Variants in SWT1 observed in about 807,000 individuals in gnomAD.
SWT1 encodes SWT1 RNA endoribonuclease homolog, also known as transcriptional protein SWT1.
In SWT1, 33 loss-of-function variants were observed where a neutral mutation model predicts 107.3. The observed-to-expected ratio is 0.31, with a 90% confidence interval of 0.23 to 0.41. The LOEUF (loss-of-function observed/expected upper bound fraction) is 0.41. Ranked by LOEUF, SWT1 falls within the 10% of genes least tolerant of loss-of-function variation. The pLI is 1.00. For synonymous variants in SWT1, 345 were observed against 348.3 expected (o/e 0.99, Z 0.11); for missense variants, 898 against 1,028.9 (o/e 0.87, Z 1.74).
intron 16 of SWT1, among the ~76,000 whole-genome samples, chr1:185,235,571 T>G (rs1422508896): frequency 1.3e-5 from 2 of 152,168 alleles, no homozygotes; most frequent in East Asian, 3.8e-4. Context: ...CTCAAAATAA[T>G]AAGAGCTATT....
chr1:185,236,681 A>T (rs1660902685), intron 16 of SWT1, among the ~76,000 whole-genome samples: 1 of 152,190 alleles, frequency 6.6e-6, no homozygotes, highest in Admixed American at 6.5e-5. Context: ...TGATTAAAAC[A>T]CCCAAAGCAA....
chr1:185,268,712 T>C (rs1426345633), intron 16 of SWT1, among the ~76,000 whole-genome samples: 1 of 152,216 alleles, frequency 6.6e-6, no homozygotes, highest in Non-Finnish European at 1.5e-5. Flanking sequence ...TTAAACTTAC[T>C]AGCCTCATAA....
intron 18 of SWT1, among the ~76,000 whole-genome samples, chr1:185,287,888 G>A (rs1255274345): frequency 6.6e-6 from 1 of 152,148 alleles, no homozygotes; most frequent in African/African-American, 2.4e-5. Flanking sequence ...CGTGAATTAA[G>A]AAACAAATGC....
At chr1:185,201,243 A>T (rs1345301179) in intron 10 of SWT1, among the ~76,000 whole-genome samples, 2 of 151,946 alleles carry the variant, frequency 1.3e-5, no homozygotes, top group African/African-American at 4.8e-5. Flanking sequence ...TTCAGTGCCC[A>T]CTTCCAGGGG....
At chr1:185,175,737 A>G (rs1480486706) in intron 5 of SWT1, among the ~76,000 whole-genome samples, 2 of 152,150 alleles carry the variant, frequency 1.3e-5, no homozygotes, top group Non-Finnish European at 2.9e-5. Flanking sequence ...AAAGCATTGT[A>G]TGCTGGAGAA....
At chr1:185,206,556 A>G in intron 12 of SWT1, 69 bp from the exon 13 acceptor site, 1 of 950,832 alleles carries the variant, frequency 1.1e-6, no homozygotes, top group Non-Finnish European at 1.5e-6. Flanking sequence ...AGGAATTCCT[A>G]AATAGGTACT....
intron 16 of SWT1, among the ~76,000 whole-genome samples, chr1:185,238,062 C>T (rs902112637): frequency 6.6e-6 from 1 of 151,758 alleles, no homozygotes; most frequent in Non-Finnish European, 1.5e-5. Flanking sequence ...TCACGGCTCA[C>T]TGTAGCATCG....
intron 13 of SWT1, among the ~76,000 whole-genome samples, chr1:185,211,975 A>G (rs1051925089): frequency 5.9e-5 from 9 of 151,324 alleles, no homozygotes; most frequent in African/African-American, 1.9e-4. Context: ...CAAACACTAC[A>G]TGTTCTCACT....
Position 185,212,803 on chromosome 1 carries a change from C to CAA in SWT1, c.1973-1690_1973-1689dup, listed in dbSNP as rs71555460. ...GGGCAACAAGAGTGAAACTCTGTCT[C>CAA]AAAAAAAAAAAAAAACTTCTTGCTG... On this transcript the variant is annotated intron_variant, in intron 13 of 18. Coordinates refer to ENST00000367500, the MANE Select transcript of SWT1 (RefSeq NM_017673.7). Among the ~76,000 whole-genome samples the CAA allele has an allele frequency of 8.3e-3, 1,082 of 130,270 alleles. 15 individuals are homozygous for CAA. Among genetic ancestry groups the CAA allele is most frequent in the African/African-American group, 0.025 (934 of 37,350 alleles). 85.5% of individuals were successfully genotyped at this position (130,270 alleles called of 152,430 possible).
Position 185,271,488 on chromosome 1 carries a change from TTTAA to T in SWT1, c.2508+102_2508+105del. On this transcript the variant is annotated intron_variant, in intron 17 of 18. Coordinates refer to ENST00000367500, the MANE Select transcript of SWT1 (RefSeq NM_017673.7). ...AGTTCTCAAACATAGTGGAATGCTA[TTTAA>T]TTGATATTTGCTTTAAATTATTGAA... The T allele has an allele frequency of 7.8e-6, 5 of 640,878 alleles. No individual in the cohort carries two copies. In the Admixed American group the frequency reaches 1.2e-4, roughly 15 times the overall value. 39.7% of individuals were successfully genotyped at this position (640,878 alleles called of 1,614,324 possible).
chr1:185,169,074 CCAAA>C (rs1397488407), intron 4 of SWT1, among the ~76,000 whole-genome samples: 2 of 152,138 alleles, frequency 1.3e-5, no homozygotes, highest in Non-Finnish European at 2.9e-5. Context: ...GCTCTGCTTC[CCAAA>C]CAATCTCAGT....
chr1:185,281,889 G>A (rs1028746832), intron 18 of SWT1: 6 of 152,318 alleles, frequency 3.9e-5, no homozygotes, highest in African/African-American at 1.2e-4. Context: ...GAAGGTTCTT[G>A]CTTGCTTTTA....
At chr1:185,283,550 T>TTTTGTTTG (rs3835511) in intron 18 of SWT1, among the ~76,000 whole-genome samples, 2 of 151,990 alleles carry the variant, frequency 1.3e-5, no homozygotes, top group Non-Finnish European at 2.9e-5. Flanking sequence ...TATGTAAGGT[T>TTTTGTTTG]TTTGTTTGTT....
rs142698405 is a variant in SWT1, at chr1:185,216,687, C to T, written c.2121+2032C>T. Among the ~76,000 whole-genome samples, 889 of 152,218 alleles carry T rather than the reference C, an allele frequency of 5.8e-3. 33 individuals are homozygous for T. In the East Asian group the frequency reaches 0.094, roughly 16 times the overall value. On this transcript the variant is annotated intron_variant, in intron 14 of 18. Transcript: ENST00000367500. ...ATTGACTTGACTGGGCATGGTGGTT[C>T]ATGCCTGTAATCCCAGCACTTTGGG...
At chr1:185,271,532 G>A in intron 17 of SWT1, 143 bp downstream of exon 17, 1 of 562,118 alleles carries the variant, frequency 1.8e-6, no homozygotes, top group Non-Finnish European at 3.2e-6. Context: ...ATAAAAGTTT[G>A]TCAGTGACAT....
At chr1:185,173,059 A>AG (rs1432956031) in intron 4 of SWT1, among the ~76,000 whole-genome samples, 53 of 151,712 alleles carry the variant, frequency 3.5e-4, no homozygotes, top group African/African-American at 1.2e-3. Context: ...AAAAAAAAAA[A>AG]AAGAAGAAAA....
intron 9 of SWT1, among the ~76,000 whole-genome samples, chr1:185,189,560 G>T (rs892261438): frequency 6.6e-6 from 1 of 152,086 alleles, no homozygotes; most frequent in Non-Finnish European, 1.5e-5. Context: ...CTTATAATCT[G>T]TAAGTGACTG....
At chr1:185,215,385 ATAAT>A (rs1344888046) in intron 14 of SWT1, among the ~76,000 whole-genome samples, 9 of 152,190 alleles carry the variant, frequency 5.9e-5, no homozygotes, top group African/African-American at 2.2e-4. Flanking sequence ...TAACTACAAT[ATAAT>A]TAATCATGAA....
chr1:185,246,649 GA>G (rs1184183827), intron 16 of SWT1, among the ~76,000 whole-genome samples: 2 of 94,560 alleles, frequency 2.1e-5, no homozygotes, highest in African/African-American at 8.7e-5. Context: ...TTTTTTAATA[GA>G]GGGGGGTCTC....
Sources: allele counts gnomAD v4.1 joint callset (sites outside exome capture counted in the v4.1 genomes callset), GRCh38; gene constraint gnomAD v4.1.1; transcripts MANE v1.5; gene names NCBI Gene and HGNC (gene_info 2026-07-23, HGNC 2026-07-21).